Variants in SUPT3H observed in about 807,000 individuals in gnomAD.
The protein encoded by SUPT3H is SPT3 homolog, SAGA and STAGA complex component.
Under a neutral mutation model 44.3 loss-of-function variants are expected in SUPT3H, and 44 were observed. The ratio of observed to expected loss-of-function variants is 0.99; its 90% CI spans 0.78 to 1.28. The LOEUF is 1.28. SUPT3H is among the 50% of genes most tolerant of loss of function. The pLI is 0.00. For missense variants in SUPT3H, 380 were observed against 387.1 expected (o/e 0.98, Z 0.15); for synonymous variants, 124 against 125.6 (o/e 0.99, Z 0.09).
intron 2 of SUPT3H, among the ~76,000 whole-genome samples, chr6:45,160,158 T>G (rs1470708382): frequency 6.6e-6 from 1 of 152,192 alleles, no homozygotes; most frequent in Non-Finnish European, 1.5e-5. Flanking sequence ...AAATAGCCAT[T>G]TGGCAGGCTA....
chr6:44,956,478 AAAAAATAAAAAAAAAAAATAAAAAT>A (rs1477750479), intron 7 of SUPT3H, among the ~76,000 whole-genome samples: 311 of 16,450 alleles, frequency 0.019, 25 homozygotes, highest in African/African-American at 0.041. Context: ...CTCAAAAAAA[AAAAAATAAAAAAAAAAAATAAAAAT>A]AAAAAAAAAA....
At chr6:44,928,908 A>AAAAAAAAAAAAAAAAAC (rs1770060580) in intron 10 of SUPT3H, among the ~76,000 whole-genome samples, 1 of 138,412 alleles carries the variant, frequency 7.2e-6, no homozygotes, top group Non-Finnish European at 1.6e-5. Flanking sequence ...AAAAAAAGAA[A>AAAAAAAAAAAAAAAAAC]AGAAAAGAAA....
chr6:45,258,698 T>C (rs1773824980), intron 2 of SUPT3H, among the ~76,000 whole-genome samples: 1 of 152,200 alleles, frequency 6.6e-6, no homozygotes, highest in Non-Finnish European at 1.5e-5. Context: ...GGTTGAAATC[T>C]GTCTATGGAA....
intron 2 of SUPT3H, among the ~76,000 whole-genome samples, chr6:45,192,448 C>CA (rs759229646): frequency 2.9e-4 from 44 of 151,948 alleles, no homozygotes; most frequent in Admixed American, 5.9e-4. Context: ...TTGATTACTT[C>CA]AAAAAAATAC....
chr6:45,020,393 C>T (rs538134979), intron 4 of SUPT3H, among the ~76,000 whole-genome samples, 153 bp downstream of exon 4: 11 of 152,038 alleles, frequency 7.2e-5, no homozygotes, highest in South Asian at 2.1e-4. Flanking sequence ...CTTTTGTAAA[C>T]ACATTTTGTC....
At chr6:45,329,950 T>TA (rs561625349) in intron 2 of SUPT3H, among the ~76,000 whole-genome samples, 538 of 152,068 alleles carry the variant, frequency 3.5e-3, no homozygotes, top group Non-Finnish European at 5.6e-3. Flanking sequence ...ACTCTGCTTT[T>TA]AACTTACAAC....
chr6:44,991,258 T>C (rs1221723526), intron 6 of SUPT3H, among the ~76,000 whole-genome samples: 2 of 152,172 alleles, frequency 1.3e-5, no homozygotes, highest in African/African-American at 2.4e-5. Context: ...ATTTTCGGAA[T>C]TTCTATAGCA....
chr6:44,810,119 C>T (rs1394121793), intron 11 of SUPT3H, among the ~76,000 whole-genome samples: 1 of 152,100 alleles, frequency 6.6e-6, no homozygotes, highest in African/African-American at 2.4e-5. Context: ...CATCTAAATG[C>T]CTGACTCCAG....
chr6:44,889,809 A>G (rs1561973624), intron 10 of SUPT3H, among the ~76,000 whole-genome samples: 1 of 152,186 alleles, frequency 6.6e-6, no homozygotes. Context: ...AGAAACTACC[A>G]TCAGAGTGAA....
chr6:45,059,110 T>C (rs1257023075), intron 3 of SUPT3H, among the ~76,000 whole-genome samples: 1 of 152,070 alleles, frequency 6.6e-6, no homozygotes, highest in Non-Finnish European at 1.5e-5. Context: ...GAACCAAGTT[T>C]TGGTATACAG....
chr6:45,268,042 C>T (rs1775537060), intron 2 of SUPT3H, among the ~76,000 whole-genome samples: 1 of 152,062 alleles, frequency 6.6e-6, no homozygotes, highest in African/African-American at 2.4e-5. Context: ...CAGTATACAA[C>T]AATATAAAAT....
At chr6:45,000,776 G>A (rs1368839611) in intron 6 of SUPT3H, among the ~76,000 whole-genome samples, 1 of 151,980 alleles carries the variant, frequency 6.6e-6, no homozygotes, top group Non-Finnish European at 1.5e-5. Flanking sequence ...AAAGTCACTA[G>A]GGATTTTCTG....
intron 10 of SUPT3H, among the ~76,000 whole-genome samples, chr6:44,841,883 G>A (rs1016774189): frequency 1.3e-5 from 2 of 152,180 alleles, no homozygotes; most frequent in Non-Finnish European, 2.9e-5. Context: ...GAGATGTATC[G>A]TGAATACATG....
chr6:44,872,555 T>A (rs1382783471), intron 10 of SUPT3H, among the ~76,000 whole-genome samples: 2 of 152,192 alleles, frequency 1.3e-5, no homozygotes, highest in Non-Finnish European at 2.9e-5. Flanking sequence ...TGACAAAATG[T>A]AAAGACCATC....
intron 10 of SUPT3H, among the ~76,000 whole-genome samples, chr6:44,908,109 T>C (rs1582420278): frequency 6.6e-6 from 1 of 151,890 alleles, no homozygotes; most frequent in African/African-American, 2.4e-5. Context: ...TTTTAACCAG[T>C]GCAAAAATGT....
chr6:44,833,240 C>CTTTA (rs1446286754), intron 10 of SUPT3H, among the ~76,000 whole-genome samples: 1 of 152,098 alleles, frequency 6.6e-6, no homozygotes, highest in African/African-American at 2.4e-5. Flanking sequence ...CCTACAAATA[C>CTTTA]TTTATTTCTC....
At chr6:45,182,213 G>C (rs147303324) in intron 2 of SUPT3H, among the ~76,000 whole-genome samples, 1 of 152,092 alleles carries the variant, frequency 6.6e-6, no homozygotes, top group Admixed American at 6.6e-5. Flanking sequence ...CTGTCCCATA[G>C]AGCTTATAGA....
chr6:45,124,297 G>C (rs1802091170), intron 2 of SUPT3H, among the ~76,000 whole-genome samples: 3 of 151,964 alleles, frequency 2.0e-5, no homozygotes, highest in African/African-American at 7.3e-5. Flanking sequence ...AAAATATATG[G>C]AAAACAAGCA....
chr6:45,144,392 T>C (rs1460156877), intron 2 of SUPT3H, among the ~76,000 whole-genome samples: 1 of 151,898 alleles, frequency 6.6e-6, no homozygotes, highest in African/African-American at 2.4e-5. Context: ...TAAACAGAAT[T>C]TAAAACAACA....
Sources: allele counts gnomAD v4.1 joint callset (sites outside exome capture counted in the v4.1 genomes callset), GRCh38; gene constraint gnomAD v4.1.1; transcripts MANE v1.5; gene names NCBI Gene and HGNC (gene_info 2026-07-23, HGNC 2026-07-21).